TMEM117: variants seen among roughly 807,000 people sequenced by gnomAD.
TMEM117 encodes the protein transmembrane protein 117.
Under a neutral mutation model 52.4 loss-of-function variants are expected in TMEM117, and 27 were observed. That is an observed-to-expected ratio of 0.51 (90% confidence interval 0.38 to 0.71). The LOEUF is 0.71. Among genes scored for constraint, TMEM117 ranks in the 30% least tolerant of loss-of-function variants. The pLI is 0.00. For synonymous variants in TMEM117, 215 were observed against 206.3 expected (o/e 1.04, Z -0.36); for missense variants, 556 against 630.5 (o/e 0.88, Z 1.26).
chr12:43,950,165 A>C (rs1184178900), intron 3 of TMEM117, among the ~76,000 whole-genome samples: 1 of 152,220 alleles, frequency 6.6e-6, no homozygotes, highest in African/African-American at 2.4e-5. Flanking sequence ...AAAAGGAAGA[A>C]ACTGAGGCAA....
At chr12:44,337,783 T>C (rs149123772) in intron 6 of TMEM117, among the ~76,000 whole-genome samples, 35 of 152,202 alleles carry the variant, frequency 2.3e-4, no homozygotes, top group African/African-American at 8.2e-4. Context: ...TAGTCAGTAG[T>C]TCAAAGTATC....
At chr12:44,185,487 G>C (rs528823943) in intron 4 of TMEM117, among the ~76,000 whole-genome samples, 2 of 152,072 alleles carry the variant, frequency 1.3e-5, no homozygotes, top group African/African-American at 4.8e-5. Flanking sequence ...GAACAGAAAA[G>C]TGAGTTATTA....
chr12:44,203,427 G>A (rs774638190), intron 4 of TMEM117, among the ~76,000 whole-genome samples: 1 of 152,028 alleles, frequency 6.6e-6, no homozygotes, highest in East Asian at 1.9e-4. Context: ...TTCATCTTCT[G>A]TATGGATTTT....
chr12:44,041,666 GA>G (rs900030285), intron 3 of TMEM117, among the ~76,000 whole-genome samples: 8 of 151,914 alleles, frequency 5.3e-5, no homozygotes, highest in Non-Finnish European at 1.0e-4. Flanking sequence ...GAGACACAGT[GA>G]AAAAAGAAAA....
At chr12:43,827,958 G>A in the TMEM117 span, among the ~76,000 whole-genome samples, 2 of 152,144 alleles carry the variant, frequency 1.3e-5, no homozygotes, top group African/African-American at 2.4e-5. Context: ...GGAGTGATGC[G>A]TCTGCAAGTC....
chr12:44,163,577 A>G (rs995125794), intron 4 of TMEM117, among the ~76,000 whole-genome samples: 1 of 152,200 alleles, frequency 6.6e-6, no homozygotes, highest in Admixed American at 6.5e-5. Flanking sequence ...GCACTGTAAT[A>G]AAGATTTCTT....
At chr12:43,999,788 G>A (rs1331803948) in intron 3 of TMEM117, among the ~76,000 whole-genome samples, 2 of 152,022 alleles carry the variant, frequency 1.3e-5, no homozygotes, top group African/African-American at 2.4e-5. Context: ...CACCGTGCCC[G>A]GCTGGATATA....
Position 44,205,516 on chromosome 12 carries a change from G to A in TMEM117, c.511-5774G>A, listed in dbSNP as rs374177293. Among the ~76,000 whole-genome samples the A allele has an allele frequency of 1.6e-4, 24 of 152,160 alleles. No homozygotes were observed. The East Asian group carries it at 4.6e-3, about 29-fold the overall frequency. ...ACTTGCAAAATATCCATCTGACAAA[G>A]GTCTGGTAGCCAGAATTTATAGGGA... is the stretch of plus-strand genomic sequence containing the variant. On this transcript the variant is annotated intron_variant, in intron 4 of 7. Transcript: ENST00000266534.
chr12:43,957,471 GAC>G (rs1945327714), intron 3 of TMEM117, among the ~76,000 whole-genome samples: 2 of 152,290 alleles, frequency 1.3e-5, no homozygotes, highest in African/African-American at 4.8e-5. Context: ...GAGAAAATGA[GAC>G]ATCAATAGAA....
At chr12:44,147,999 A>G (rs937100742) in intron 4 of TMEM117, among the ~76,000 whole-genome samples, 2 of 152,138 alleles carry the variant, frequency 1.3e-5, no homozygotes, top group African/African-American at 4.8e-5. Flanking sequence ...ATCATAAAGC[A>G]TCCTTCAACC....
intron 6 of TMEM117, among the ~76,000 whole-genome samples, chr12:44,352,083 T>A (rs1391432745): frequency 6.6e-6 from 1 of 151,962 alleles, no homozygotes; most frequent in Middle Eastern, 3.2e-3. Flanking sequence ...CTTTTGTTTC[T>A]TCTTTAAGAC....
chr12:44,382,870 G>A (rs569085433), intron 7 of TMEM117, among the ~76,000 whole-genome samples: 1 of 152,242 alleles, frequency 6.6e-6, no homozygotes, highest in African/African-American at 2.4e-5. Flanking sequence ...AGCACTTAAT[G>A]TGGTTTCTAG....
intron 2 of TMEM117, among the ~76,000 whole-genome samples, chr12:43,923,242 GT>G (rs1185116236): frequency 6.6e-6 from 1 of 152,208 alleles, no homozygotes; most frequent in Non-Finnish European, 1.5e-5. Flanking sequence ...CAATCCTCTT[GT>G]GTAATCTAGT....
At chr12:44,156,930 TC>T (rs1223884900) in intron 4 of TMEM117, among the ~76,000 whole-genome samples, 2 of 152,138 alleles carry the variant, frequency 1.3e-5, no homozygotes, top group African/African-American at 4.8e-5. Context: ...GACTCTGGGT[TC>T]CTTTTGATGC....
At position 44,152,651 on chromosome 12, in the gene TMEM117, AAT is replaced by A. The variant is rs1384944099; in HGVS notation, c.510+9030_510+9031del. Among the ~76,000 whole-genome samples, 4 of 130,558 alleles carry A rather than the reference AAT, an allele frequency of 3.1e-5. No homozygotes were observed. The East Asian group carries it at 8.9e-4, about 29-fold the overall frequency. The allele number at this position is 130,558 out of a possible 152,430, so 85.7% of individuals were successfully genotyped here. A position where few individuals can be genotyped will look rare whatever the true frequency, so the allele number is the denominator to read the frequency against. On this transcript the variant is annotated intron_variant, in intron 4 of 7. Transcript: ENST00000266534. Reference sequence around the variant, plus strand: ...ATATCATATATAAATTTTTATATATAATATTTATATCATATATAATTTTTATA... The same window carrying A: ...ATATCATATATAAATTTTTATATATAATTTATATCATATATAATTTTTATA...
intron 5 of TMEM117, among the ~76,000 whole-genome samples, chr12:44,218,941 C>A (rs1949754530): frequency 6.6e-6 from 1 of 152,160 alleles, no homozygotes; most frequent in African/African-American, 2.4e-5. Flanking sequence ...ACCTGGGAAT[C>A]CAGTGTGGGC....
At chr12:43,916,713 G>T (rs1323900263) in intron 2 of TMEM117, among the ~76,000 whole-genome samples, 1 of 152,092 alleles carries the variant, frequency 6.6e-6, no homozygotes, top group Non-Finnish European at 1.5e-5. Context: ...GAGTCCTGAT[G>T]GTGTTCTCTC....
the TMEM117 span, among the ~76,000 whole-genome samples, chr12:44,394,852 G>C: frequency 6.6e-6 from 1 of 152,156 alleles, no homozygotes; most frequent in Non-Finnish European, 1.5e-5. Flanking sequence ...TGTCACTCTA[G>C]CCTTGCCTTT....
chr12:43,819,658 C>T, the TMEM117 span, among the ~76,000 whole-genome samples: 3 of 151,934 alleles, frequency 2.0e-5, no homozygotes, highest in East Asian at 1.9e-4. Flanking sequence ...CTGTAGTCCC[C>T]GCTACTCTTC....
Sources: allele counts gnomAD v4.1 joint callset (sites outside exome capture counted in the v4.1 genomes callset), GRCh38; gene constraint gnomAD v4.1.1; transcripts MANE v1.5; gene names NCBI Gene and HGNC (gene_info 2026-07-23, HGNC 2026-07-21).